CNPY1: variants seen among roughly 807,000 people sequenced by gnomAD.
The protein encoded by CNPY1 is protein canopy homolog 1.
A neutral mutation model predicts 14.4 loss-of-function variants in CNPY1; 14 were observed. That is an observed-to-expected ratio of 0.97 (90% CI 0.64 to 1.52). CNPY1 has a LOEUF of 1.52. CNPY1 is among the 40% of genes most tolerant of loss of function. The pLI, the probability that CNPY1 is intolerant of heterozygous loss-of-function variation, is 0.00. For synonymous variants in CNPY1, 43 were observed against 46.5 expected, an observed-to-expected ratio of 0.92 and a Z score of 0.31; for missense variants, 129 against 131.5, an observed-to-expected ratio of 0.98 and a Z score of 0.09.
intron 2 of CNPY1, among the ~76,000 whole-genome samples, chr7:155,530,401 G>A (rs1361907172): frequency 7.1e-6 from 1 of 140,632 alleles, no homozygotes; most frequent in Non-Finnish European, 1.5e-5. Context: ...CTGGGCCTAA[G>A]CAATCTTCCT....
chr7:155,518,108 TCTC>T (rs1796656309), intron 2 of CNPY1, among the ~76,000 whole-genome samples: 1 of 151,994 alleles, frequency 6.6e-6, no homozygotes, highest in Non-Finnish European at 1.5e-5. Context: ...CCGAAACCCT[TCTC>T]CTCCCATCCT....
At position 155,535,399 on chromosome 7, in the gene CNPY1, A is replaced by G. The variant is rs540184342; in HGVS notation, c.99+10432T>C. On this transcript the variant is annotated intron_variant, in intron 2 of 4. Coordinates refer to ENST00000636446, the MANE Select transcript of CNPY1 (RefSeq NM_001393663.1). ...GGAGCATTTCAACTGCAGATGAATC[A>G]TGATCCAGAGATGGGAGAAGCCAAG... 5.3e-5 allele frequency among the ~76,000 whole-genome samples: 8 copies of G among 152,340 alleles called. No individual in the cohort carries two copies. The South Asian group carries it at 1.7e-3, about 32-fold the overall frequency.
intron 2 of CNPY1, among the ~76,000 whole-genome samples, chr7:155,534,411 GCA>G (rs1400558299): frequency 1.3e-5 from 2 of 152,248 alleles, no homozygotes; most frequent in South Asian, 2.1e-4. Flanking sequence ...GTACACACGT[GCA>G]CAGACAAATG....
intron 2 of CNPY1, among the ~76,000 whole-genome samples, chr7:155,539,008 C>T (rs189152074): frequency 1.0e-3 from 156 of 152,344 alleles, no homozygotes; most frequent in Middle Eastern, 6.8e-3. Flanking sequence ...GCTGCTGCCA[C>T]CAGGGGCCAG....
intron 2 of CNPY1, among the ~76,000 whole-genome samples, chr7:155,520,214 A>G (rs1381555947): frequency 2.0e-5 from 3 of 152,150 alleles, no homozygotes; most frequent in Admixed American, 2.0e-4. Flanking sequence ...CTCTCGAAAG[A>G]GGAACAGGCA....
intron 2 of CNPY1, among the ~76,000 whole-genome samples, chr7:155,520,957 T>G (rs147088504): frequency 1.5e-4 from 22 of 151,320 alleles, no homozygotes; most frequent in Non-Finnish European, 2.4e-4. Flanking sequence ...CAAAATCCCA[T>G]CTCCATTAAA....
chr7:155,510,071 C>T (rs1796488073), intron 2 of CNPY1, among the ~76,000 whole-genome samples: 1 of 152,242 alleles, frequency 6.6e-6, no homozygotes, highest in Non-Finnish European at 1.5e-5. Flanking sequence ...GTTTGCATGA[C>T]AACCGCAGTG....
intron 2 of CNPY1, among the ~76,000 whole-genome samples, chr7:155,541,062 T>G (rs1797078548): frequency 6.6e-6 from 1 of 152,220 alleles, no homozygotes; most frequent in Admixed American, 6.5e-5. Context: ...TGTGCCAGTG[T>G]GAGGAGCTAC....
At chr7:155,504,689 A>AACACACACAC (rs61377945) in intron 4 of CNPY1, among the ~76,000 whole-genome samples, 9,035 of 145,150 alleles carry the variant, frequency 0.062, 298 homozygotes, top group Middle Eastern at 0.08. Context: ...CATACCCCCC[A>AACACACACAC]ACACACACAC....
intron 3 of CNPY1, among the ~76,000 whole-genome samples, chr7:155,508,614 C>T (rs1381658469): frequency 6.6e-6 from 1 of 152,168 alleles, no homozygotes. Flanking sequence ...CTTAAAGTCC[C>T]CGGGACTTGT....
intron 2 of CNPY1, among the ~76,000 whole-genome samples, chr7:155,523,021 A>T (rs1796753400): frequency 6.6e-6 from 1 of 152,142 alleles, no homozygotes; most frequent in Non-Finnish European, 1.5e-5. Context: ...CTCTAAACAC[A>T]TCCCATTATC....
intron 2 of CNPY1, among the ~76,000 whole-genome samples, chr7:155,512,954 C>T (rs1483853966): frequency 6.6e-6 from 1 of 152,154 alleles, no homozygotes; most frequent in Non-Finnish European, 1.5e-5. Flanking sequence ...ACTAACTTTT[C>T]ATCCATAAAA....
chr7:155,520,419 TC>T (rs1796696848), intron 2 of CNPY1, among the ~76,000 whole-genome samples: 1 of 144,272 alleles, frequency 6.9e-6, no homozygotes, highest in African/African-American at 2.6e-5. Flanking sequence ...TTTCTTTCTT[TC>T]TTTCTTTCTT....
chr7:155,541,203 C>G (rs1797080313), intron 2 of CNPY1, among the ~76,000 whole-genome samples: 1 of 152,342 alleles, frequency 6.6e-6, no homozygotes, highest in South Asian at 2.1e-4. Flanking sequence ...CCTCCCCGTT[C>G]CCGCTGTTCT....
intron 2 of CNPY1, among the ~76,000 whole-genome samples, chr7:155,541,162 T>A (rs11983697): frequency 0.065 from 9,882 of 152,244 alleles, 466 homozygotes; most frequent in South Asian, 0.14. Flanking sequence ...CTCTCTGAAC[T>A]CTGGACTTTA....
chr7:155,504,894 G>C (rs1187391393), intron 4 of CNPY1, among the ~76,000 whole-genome samples: 1 of 152,204 alleles, frequency 6.6e-6, no homozygotes, highest in East Asian at 1.9e-4. Context: ...AGTGCATCTG[G>C]AGTCTTCTAC....
At chr7:155,530,866 A>G (rs570859890) in intron 2 of CNPY1, among the ~76,000 whole-genome samples, 12 of 152,314 alleles carry the variant, frequency 7.9e-5, no homozygotes, top group Admixed American at 3.3e-4. Context: ...CCTCCCCTCC[A>G]GTTGTGAAAA....
chr7:155,513,775 G>A (rs1208468750), intron 2 of CNPY1, among the ~76,000 whole-genome samples: 2 of 151,416 alleles, frequency 1.3e-5, no homozygotes. Context: ...TTCCAAATGG[G>A]GGTCATCTAA....
Position 155,546,051 on chromosome 7 carries a change from G to A in CNPY1, c.-14-108C>T, listed in dbSNP as rs971564262. The A allele has an allele frequency of 2.3e-5, 9 of 398,048 alleles. No individual in the cohort carries two copies. The South Asian group carries it at 6.7e-4, about 30-fold the overall frequency. The allele number at this position is 398,048 out of a possible 1,614,324, so 24.7% of individuals were successfully genotyped here. The stretch of plus-strand genomic sequence containing the variant: ...CTCTAGCTAGAACAGGGACAGTGCC[G>A]ACGTGCCCAGGACCTGGGGAGGACT... On this transcript the variant is annotated intron_variant, in intron 1 of 4. Transcript: ENST00000636446.
Sources: gnomAD v4.1 joint callset for allele counts (sites outside exome capture counted in the v4.1 genomes callset) on GRCh38, gnomAD v4.1.1 for gene constraint, MANE v1.5 for transcripts, NCBI Gene and HGNC (gene_info 2026-07-23, HGNC 2026-07-21) for gene names.